Variants in CTNNBL1 observed in about 807,000 individuals in gnomAD.
CTNNBL1 encodes catenin beta like 1.
CTNNBL1 carries 31 observed loss-of-function variants against 72.7 expected under a neutral mutation model. That is an observed-to-expected ratio of 0.43 (90% CI 0.32 to 0.58). CTNNBL1 has a LOEUF of 0.58. Ranked by LOEUF, CTNNBL1 falls within the 20% of genes least tolerant of loss-of-function variation. CTNNBL1 has a pLI of 0.08. For missense variants in CTNNBL1, 534 were observed against 725.1 expected (o/e 0.74, Z 3.03); for synonymous variants, 240 against 267.3 (o/e 0.90, Z 1.00).
chr20:37,765,790 A>T (rs2073462110), intron 6 of CTNNBL1, among the ~76,000 whole-genome samples: 1 of 152,134 alleles, frequency 6.6e-6, no homozygotes, highest in Non-Finnish European at 1.5e-5. Context: ...AAATATTGCT[A>T]CTACTTGGCT....
rs1364210467 is a variant in CTNNBL1, at chr20:37,810,909, T to TA, written c.1213+7861_1213+7862insA. Among the ~76,000 whole-genome samples, 3 of 152,310 alleles carry TA rather than the reference T, an allele frequency of 2.0e-5. No homozygotes were observed. The East Asian group carries it at 5.8e-4, about 29-fold the overall frequency. ...TAGCCTTTTTGAGCCTGTAATTTCT[T>TA]CTGTTGTAAAATTGAGATACTCTTA... On this transcript the variant is annotated intron_variant, in intron 11 of 15. Transcript: ENST00000361383.
At chr20:37,766,444 A>C (rs2073469074) in intron 6 of CTNNBL1, among the ~76,000 whole-genome samples, 1 of 152,190 alleles carries the variant, frequency 6.6e-6, no homozygotes, top group Admixed American at 6.5e-5. Flanking sequence ...TGAAGTAGGC[A>C]TGGTTCTGCT....
At chr20:37,850,460 G>A (rs2072386634) in intron 13 of CTNNBL1, among the ~76,000 whole-genome samples, 1 of 152,116 alleles carries the variant, frequency 6.6e-6, no homozygotes, top group Non-Finnish European at 1.5e-5. Flanking sequence ...GTTTGTAAAA[G>A]CCTGCAACAT....
rs145225701 is a variant in CTNNBL1, at chr20:37,801,484, C to A, written c.1032-1383C>A. Among the ~76,000 whole-genome samples, 431 of 152,292 alleles carry A rather than the reference C, an allele frequency of 2.8e-3. 3 individuals carry two copies. Among genetic ancestry groups the A allele is most frequent in the African/African-American group, 9.2e-3 (384 of 41,566 alleles). On this transcript the variant is annotated intron_variant, in intron 10 of 15. Transcript: ENST00000361383. ...CCTAGGGAAGTATCTGCAAGAATAG[C>A]AGCCAGTGGCACTATTATTCTATGA...
At chr20:37,694,287 C>T (rs1277787133) in intron 1 of CTNNBL1, 135 bp downstream of exon 1, 6 of 737,390 alleles carry the variant, frequency 8.1e-6, no homozygotes, top group Non-Finnish European at 1.3e-5. Context: ...GGGGTCTCAG[C>T]CCCTCGTTTT....
intron 15 of CTNNBL1, among the ~76,000 whole-genome samples, chr20:37,866,713 T>TA (rs949535970): frequency 3.9e-5 from 6 of 152,096 alleles, no homozygotes; most frequent in East Asian, 1.9e-4. Flanking sequence ...TCCTCCTCTG[T>TA]AAAAAACACA....
intron 10 of CTNNBL1, among the ~76,000 whole-genome samples, chr20:37,791,800 C>G (rs951191841): frequency 2.6e-5 from 4 of 152,256 alleles, no homozygotes; most frequent in African/African-American, 7.2e-5. Context: ...GCCTTATGAT[C>G]TGAGATGGAA....
At chr20:37,720,593 T>C (rs1043779824) in intron 1 of CTNNBL1, among the ~76,000 whole-genome samples, 3 of 152,242 alleles carry the variant, frequency 2.0e-5, no homozygotes, top group African/African-American at 4.8e-5. Context: ...GGCCCAGACA[T>C]TGACTACGAG....
chr20:37,732,283 G>A (rs1326650802), intron 1 of CTNNBL1, among the ~76,000 whole-genome samples: 3 of 152,152 alleles, frequency 2.0e-5, no homozygotes, highest in African/African-American at 4.8e-5. Context: ...AATAGAATTG[G>A]GAGTACAGTA....
chr20:37,787,341 GTGTTTTTT>G (rs2073684429), intron 10 of CTNNBL1, among the ~76,000 whole-genome samples: 2 of 86,650 alleles, frequency 2.3e-5, no homozygotes, highest in African/African-American at 7.1e-5. Flanking sequence ...ACATAACTGT[GTGTTTTTT>G]TTTTTTTTTT....
chr20:37,778,637 C>T (rs1234110459), intron 9 of CTNNBL1, among the ~76,000 whole-genome samples: 2 of 152,206 alleles, frequency 1.3e-5, no homozygotes, highest in Non-Finnish European at 2.9e-5. Context: ...CCCAGCTCCC[C>T]TGTGAGGGAA....
chr20:37,838,587 C>A (rs964365737), intron 11 of CTNNBL1, among the ~76,000 whole-genome samples: 1 of 152,092 alleles, frequency 6.6e-6, no homozygotes, highest in African/African-American at 2.4e-5. Context: ...TGTGTTTGGA[C>A]GTTAAGTTTA....
Position 37,806,150 on chromosome 20 carries a change from C to T in CTNNBL1, c.1213+3102C>T, listed in dbSNP as rs572748430. Among the ~76,000 whole-genome samples, 162 of 152,230 alleles carry T rather than the reference C, an allele frequency of 1.1e-3. 1 individual carries two copies. Among genetic ancestry groups the T allele is most frequent in the African/African-American group, 3.7e-3 (152 of 41,538 alleles). ...CATTGGCTTGGAGATTATGGCAGAA[C>T]CCCCACTTTAGAGCCACACCCTTAA... is the stretch of plus-strand genomic sequence containing the variant. On this transcript the variant is annotated intron_variant, in intron 11 of 15. Transcript: ENST00000361383.
At chr20:37,740,033 A>G (rs549682575) in intron 3 of CTNNBL1, among the ~76,000 whole-genome samples, 6 of 152,340 alleles carry the variant, frequency 3.9e-5, no homozygotes, top group East Asian at 1.9e-4. Context: ...TATGTTCACC[A>G]TCTACATCTT....
chr20:37,827,984 G>A lies in CTNNBL1; in HGVS notation c.1214-12118G>A, dbSNP rs144389493. The stretch of plus-strand genomic sequence containing the variant: ...ATCTCTTGTGTTTGGTCTGGAATGC[G>A]TTTCCCCCTTTGTTGCCCTGATAAA... On this transcript the variant is annotated intron_variant, in intron 11 of 15. Transcript: ENST00000361383. 4.8e-3 allele frequency among the ~76,000 whole-genome samples: 734 copies of A among 152,184 alleles called. 2 individuals are homozygous for A. The highest frequency in any genetic ancestry group is 8.0e-3 in the Non-Finnish European group (541 of 68,002).
Position 37,791,324 on chromosome 20 carries a change from A to T in CTNNBL1, c.1032-11543A>T, listed in dbSNP as rs184097139. ...AGTTAACTTTTTAAGGCACTGCCATACTGTTTACAAAATGGTTATAGCATT... is the reference window on the plus strand; with the variant it reads ...AGTTAACTTTTTAAGGCACTGCCATTCTGTTTACAAAATGGTTATAGCATT... On this transcript the variant is annotated intron_variant, in intron 10 of 15. Transcript: ENST00000361383. Among the ~76,000 whole-genome samples the T allele has an allele frequency of 2.1e-3, 317 of 152,322 alleles. 3 individuals are homozygous for T. Among genetic ancestry groups the T allele is most frequent in the African/African-American group, 7.4e-3 (306 of 41,576 alleles).
intron 4 of CTNNBL1, among the ~76,000 whole-genome samples, chr20:37,747,611 C>A (rs1338947229): frequency 3.9e-5 from 6 of 152,250 alleles, no homozygotes; most frequent in Non-Finnish European, 7.4e-5. Flanking sequence ...CAGGGTCTTG[C>A]TTTGTCACCC....
chr20:37,829,770 A>G (rs2122788265), intron 11 of CTNNBL1, among the ~76,000 whole-genome samples: 1 of 152,030 alleles, frequency 6.6e-6, no homozygotes, highest in South Asian at 2.1e-4. Context: ...TGGCTGGGAG[A>G]GCATTTTCTC....
At chr20:37,754,969 G>A (rs531702353) in intron 4 of CTNNBL1, among the ~76,000 whole-genome samples, 199 of 152,120 alleles carry the variant, frequency 1.3e-3, no homozygotes, top group African/African-American at 4.6e-3. Context: ...CACCACACCT[G>A]TCTGATTTTT....
Sources: allele counts gnomAD v4.1 joint callset (sites outside exome capture counted in the v4.1 genomes callset), GRCh38; gene constraint gnomAD v4.1.1; transcripts MANE v1.5; gene names NCBI Gene and HGNC (gene_info 2026-07-23, HGNC 2026-07-21).